Variants in TEX11 observed in about 807,000 individuals in gnomAD.
TEX11 encodes testis expressed 11.
In TEX11, 7 loss-of-function variants were observed where a neutral mutation model predicts 84.4. The ratio of observed to expected loss-of-function variants is 0.08; its 90% CI spans 0.05 to 0.16. The LOEUF is 0.16. TEX11 is among the 10% of genes least tolerant of loss of function. The probability of loss-of-function intolerance (pLI) is 1.00; values close to 1 mark genes in which losing one functional copy is unlikely to be tolerated. For missense variants in TEX11, 551 were observed against 660.5 expected, an observed-to-expected ratio of 0.83 and a Z score of 1.82; for synonymous variants, 264 against 222.8, an observed-to-expected ratio of 1.18 and a Z score of -1.64.
intron 17 of TEX11, among the ~76,000 whole-genome samples, chrX:70,632,566 T>G (rs2089523534): frequency 1.8e-5 from 2 of 110,931 alleles, no homozygotes; most frequent in African/African-American, 6.6e-5. Context: ...CTGTGTTCGT[T>G]TTTTTGAGAC....
intron 8 of TEX11, among the ~76,000 whole-genome samples, chrX:70,828,628 T>C (rs1031396921): frequency 9.0e-6 from 1 of 111,374 alleles, no homozygotes; most frequent in African/African-American, 3.3e-5. Context: ...CTAAGATCCA[T>C]TGGCCTTAAA....
rs758011806 is a variant in TEX11 at position 70,529,176 on chromosome X, C to T, written c.2697G>A (p.Leu899=). Residue 899 remains leucine, a synonymous_variant, in exon 30 of 30, where the codon CTG becomes CTA. Coordinates refer to ENST00000374333, the MANE Select transcript of TEX11 (RefSeq NM_031276.3). ...KESYETQMNM[L]YSQLVEALSN... ...TCAATGCTTCCACAAGCTGACTATA[C>T]AGCATATTCATCTGGGAAAGAGAAC... 37 of 1,197,585 alleles carry T rather than the reference C, an allele frequency of 3.1e-5. No individual in the cohort carries two copies. Among genetic ancestry groups the T allele is most frequent in the Non-Finnish European group, 4.1e-5 (36 of 886,620 alleles).
intron 20 of TEX11, among the ~76,000 whole-genome samples, chrX:70,613,002 CAA>C (rs1444665876): frequency 9.0e-6 from 1 of 111,658 alleles, no homozygotes; most frequent in African/African-American, 3.3e-5. Flanking sequence ...AGAAACCACA[CAA>C]AAAAGAAGAG....
chrX:70,611,022 C>A (rs747263433), intron 20 of TEX11, among the ~76,000 whole-genome samples: 53 of 112,136 alleles, frequency 4.7e-4, no homozygotes, highest in Non-Finnish European at 7.5e-4. Context: ...TGCAGTGCCA[C>A]AAAATTTCCA....
chrX:70,608,177 C>T (rs752833170), intron 22 of TEX11, among the ~76,000 whole-genome samples: 3 of 112,116 alleles, frequency 2.7e-5, no homozygotes, highest in Non-Finnish European at 3.8e-5. Flanking sequence ...CATATCCATG[C>T]GTCTGGCACC....
rs150734902 is a variant in TEX11 at position 70,873,046 on chromosome X, A to T, written c.244+177T>A. 9.0e-3 allele frequency among the ~76,000 whole-genome samples: 1,000 copies of T among 111,538 alleles called. 13 individuals carry two copies. Among genetic ancestry groups the T allele is most frequent in the African/African-American group, 0.031 (945 of 30,784 alleles). On this transcript the variant is annotated intron_variant, in intron 4 of 29. Transcript: ENST00000374333. ...TAAGGAGCTAACCTCTGAAAAAAAA[A>T]TCATAAAACTGAGGGAGGCCATTTG...
chrX:70,831,668 C>A (rs1371674697), intron 8 of TEX11, among the ~76,000 whole-genome samples: 1 of 110,167 alleles, frequency 9.1e-6, no homozygotes, highest in Non-Finnish European at 1.9e-5. Context: ...TCATTTAGGC[C>A]GTATGAATAA....
chrX:70,732,499 C>G (rs904934488), intron 11 of TEX11, among the ~76,000 whole-genome samples: 1 of 111,663 alleles, frequency 9.0e-6, no homozygotes, highest in African/African-American at 3.3e-5. Flanking sequence ...CATTCTTATA[C>G]ACCAAAAACA....
intron 9 of TEX11, among the ~76,000 whole-genome samples, chrX:70,759,967 A>C (rs1463657193): frequency 8.9e-6 from 1 of 111,795 alleles, no homozygotes; most frequent in African/African-American, 3.3e-5. Context: ...TTATACACCA[A>C]GTACAGACAA....
chrX:70,721,591 G>A (rs761002189), intron 13 of TEX11, among the ~76,000 whole-genome samples: 2 of 111,794 alleles, frequency 1.8e-5, no homozygotes, highest in South Asian at 3.7e-4. Flanking sequence ...CTGCCACGAA[G>A]GTTCTGGCCT....
intron 16 of TEX11, among the ~76,000 whole-genome samples, chrX:70,652,999 A>C (rs1346465098): frequency 8.9e-6 from 1 of 111,975 alleles, no homozygotes; most frequent in East Asian, 2.8e-4. Context: ...ATCCACATGT[A>C]AAAAAGTAGA....
intron 8 of TEX11, among the ~76,000 whole-genome samples, chrX:70,808,047 T>C (rs1175308032): frequency 1.1e-5 from 1 of 87,638 alleles, no homozygotes; most frequent in Non-Finnish European, 2.1e-5. Flanking sequence ...GAGGTTGCAG[T>C]AAGCCGAGAT....
intron 13 of TEX11, among the ~76,000 whole-genome samples, chrX:70,690,128 C>A (rs1207296577): frequency 1.8e-5 from 2 of 110,902 alleles, no homozygotes; most frequent in African/African-American, 3.3e-5. Flanking sequence ...ACTACTATGG[C>A]CAAATGAAGT....
At chrX:70,725,434 G>A in intron 11 of TEX11, 91 bp from the exon 12 acceptor site, 2 of 533,543 alleles carry the variant, frequency 3.7e-6, no homozygotes, top group East Asian at 3.5e-5. Flanking sequence ...CAACCACCTT[G>A]GGATAACTCA....
chrX:70,728,188 C>T (rs2090614070), intron 11 of TEX11, among the ~76,000 whole-genome samples: 1 of 112,656 alleles, frequency 8.9e-6, no homozygotes, highest in Admixed American at 9.3e-5. Context: ...TGGGTTGGAG[C>T]CAAGATGGCT....
intron 3 of TEX11, among the ~76,000 whole-genome samples, chrX:70,874,376 T>C (rs1055052469): frequency 1.9e-5 from 2 of 106,287 alleles, no homozygotes; most frequent in Admixed American, 1.0e-4. Context: ...AATGCCACAG[T>C]TGATCAAATG....
chrX:70,604,547 C>T (rs141739459), intron 24 of TEX11, among the ~76,000 whole-genome samples: 3 of 111,028 alleles, frequency 2.7e-5, no homozygotes, highest in East Asian at 2.8e-4. Context: ...GGAAAAGAAG[C>T]GAAATAGTTG....
At chrX:70,529,257 G>A (rs1186700870) in intron 29 of TEX11, 70 bp from the exon 30 acceptor site, 5 of 802,290 alleles carry the variant, frequency 6.2e-6, no homozygotes, top group Admixed American at 2.5e-5. Flanking sequence ...CCAGACCCAC[G>A]GTGATGGCAT....
chrX:70,540,406 G>A (rs189975784), intron 28 of TEX11, among the ~76,000 whole-genome samples: 1 of 111,501 alleles, frequency 9.0e-6, no homozygotes, highest in African/African-American at 3.3e-5. Context: ...ATCTTGCAAA[G>A]CTAAAGATCT....
Sources: gnomAD v4.1 joint callset for allele counts (sites outside exome capture counted in the v4.1 genomes callset) on GRCh38, gnomAD v4.1.1 for gene constraint, MANE v1.5 for transcripts, NCBI Gene and HGNC (gene_info 2026-07-23, HGNC 2026-07-21) for gene names.